CACHD1: variants seen among roughly 807,000 people sequenced by gnomAD.
The protein encoded by CACHD1 is VWFA and cache domain-containing protein 1.
In CACHD1, 71 loss-of-function variants were observed where a neutral mutation model predicts 138.7. The ratio of observed to expected loss-of-function variants is 0.51; its 90% CI spans 0.42 to 0.62. CACHD1 has a LOEUF of 0.62. Among genes scored for constraint, CACHD1 ranks in the 20% least tolerant of loss-of-function variants. CACHD1 has a pLI of 0.00. For missense variants in CACHD1, 1,389 were observed against 1,625.3 expected (o/e 0.85, Z 2.50); for synonymous variants, 578 against 591.5 (o/e 0.98, Z 0.33).
chr1:64,677,051 A>G (rs372283727), intron 22 of CACHD1, 40 bp downstream of exon 22: 9 of 1,427,498 alleles, frequency 6.3e-6, no homozygotes, highest in Non-Finnish European at 8.9e-6. Context: ...TTTCCAGCTA[A>G]TATTTATTAT....
At chr1:64,587,498 A>G (rs1253297054) in intron 3 of CACHD1, among the ~76,000 whole-genome samples, 1 of 152,192 alleles carries the variant, frequency 6.6e-6, no homozygotes, top group African/African-American at 2.4e-5. Flanking sequence ...TTCTCAGACC[A>G]GTCAACTCTT....
chr1:64,632,791 G>A (rs749010230), intron 6 of CACHD1, 48 bp downstream of exon 6: 2 of 1,605,764 alleles, frequency 1.2e-6, no homozygotes, highest in African/African-American at 2.7e-5. Flanking sequence ...CTCCTTGAAT[G>A]CCTTTTTTAA....
chr1:64,667,307 G>T (rs1452940629), intron 16 of CACHD1, among the ~76,000 whole-genome samples: 1 of 152,184 alleles, frequency 6.6e-6, no homozygotes, highest in East Asian at 1.9e-4. Flanking sequence ...GGTGCTCATT[G>T]TGTGTCAAAT....
chr1:64,541,702 C>A (rs1240682400), intron 1 of CACHD1, among the ~76,000 whole-genome samples: 1 of 152,100 alleles, frequency 6.6e-6, no homozygotes, highest in Non-Finnish European at 1.5e-5. Context: ...CGTGCTGGTA[C>A]GCTCCTGTAT....
chr1:64,633,060 A>G (rs1270877799), intron 6 of CACHD1, among the ~76,000 whole-genome samples: 1 of 152,206 alleles, frequency 6.6e-6, no homozygotes, highest in East Asian at 1.9e-4. Flanking sequence ...GCAGAATACT[A>G]TATCAGCGGT....
chr1:64,534,398 A>G (rs1049317743), intron 1 of CACHD1, among the ~76,000 whole-genome samples: 11 of 152,148 alleles, frequency 7.2e-5, no homozygotes, highest in African/African-American at 2.7e-4. Context: ...AAATCTCATT[A>G]GGAGAGAAGA....
intron 1 of CACHD1, among the ~76,000 whole-genome samples, chr1:64,547,132 A>C (rs1018619256): frequency 6.6e-5 from 10 of 152,164 alleles, no homozygotes; most frequent in Non-Finnish European, 1.5e-4. Flanking sequence ...TTAGTCTGTA[A>C]AATGTGGTTT....
intron 2 of CACHD1, among the ~76,000 whole-genome samples, chr1:64,559,779 C>T (rs1443604715): frequency 6.6e-6 from 1 of 152,162 alleles, no homozygotes; most frequent in Non-Finnish European, 1.5e-5. Flanking sequence ...ACCATCTGGA[C>T]CTGATATTTT....
intron 15 of CACHD1, among the ~76,000 whole-genome samples, chr1:64,665,740 G>T (rs1261995603): frequency 1.3e-5 from 2 of 152,108 alleles, no homozygotes; most frequent in African/African-American, 4.8e-5. Context: ...GACTTGGCCG[G>T]GTGCGGTGAC....
At chr1:64,661,563 G>C (rs1327511250) in intron 13 of CACHD1, among the ~76,000 whole-genome samples, 2 of 152,070 alleles carry the variant, frequency 1.3e-5, no homozygotes, top group African/African-American at 4.8e-5. Flanking sequence ...TTATATTATT[G>C]TGTTATTCTT....
chr1:64,534,712 G>C (rs778829682), intron 1 of CACHD1, among the ~76,000 whole-genome samples: 2 of 152,252 alleles, frequency 1.3e-5, no homozygotes, highest in South Asian at 4.1e-4. Context: ...CTGGCCCATA[G>C]CCTGTGCTCA....
chr1:64,663,644 T>A (rs996301035), intron 13 of CACHD1, 51 bp from the exon 14 acceptor site: 2 of 1,602,958 alleles, frequency 1.2e-6, no homozygotes, highest in African/African-American at 2.7e-5. Flanking sequence ...TTGTTTGGGA[T>A]GAGATAGAGT....
intron 1 of CACHD1, among the ~76,000 whole-genome samples, chr1:64,543,697 G>A (rs1344943518): frequency 6.6e-6 from 1 of 151,822 alleles, no homozygotes. Flanking sequence ...TTAATAGTAT[G>A]AGGTTAAATA....
chr1:64,683,853 G>A (rs566824520), intron 26 of CACHD1, among the ~76,000 whole-genome samples: 3 of 152,168 alleles, frequency 2.0e-5, no homozygotes, highest in Non-Finnish European at 4.4e-5. Context: ...TAAAAATGGT[G>A]ACATTGAGTT....
intron 4 of CACHD1, chr1:64,613,531 G>A (rs1354198772): frequency 2.0e-5 from 3 of 152,180 alleles, no homozygotes; most frequent in African/African-American, 4.8e-5. Context: ...ATGGCTACGT[G>A]TTTAAAAGTC....
Position 64,679,733 on chromosome 1 carries a change from A to G in CACHD1, c.3383A>G (p.His1128Arg). ...CAGATTCATCGCCGGAGCCATCAGC[A>G]TATGTCTCCTCTTGCTGCCCAAGGT... ...RHQIHRRSHQHMSPLAAQEMS... is the reference protein window; with the variant it reads ...RHQIHRRSHQRMSPLAAQEMS... Residue 1128 changes from histidine (H) to arginine (R), a missense_variant, in exon 24 of 27, where the codon CAT becomes CGT. Around this residue, in one of 5 missense-constraint regions of CACHD1, gnomAD observed 250 missense variants for 292.9 expected, o/e 0.85. Transcript: ENST00000651257. 1 of 1,614,000 alleles carries G rather than the reference A, an allele frequency of 6.2e-7. No homozygotes were observed. Among genetic ancestry groups the G allele is most frequent in the African/African-American group, 1.3e-5 (1 of 75,048 alleles).
chr1:64,513,991 T>C (rs1046905376), intron 1 of CACHD1, among the ~76,000 whole-genome samples: 12 of 152,242 alleles, frequency 7.9e-5, no homozygotes, highest in African/African-American at 2.9e-4. Context: ...CTGTTCCAGA[T>C]AATCTTTTTA....
chr1:64,658,860 G>C lies in CACHD1; in HGVS notation c.1938G>C (p.Gln646His), dbSNP rs776978424. Residue 646 changes from glutamine to histidine, a missense_variant, in exon 13 of 27, where the codon CAG (glutamine) becomes CAC (histidine). Coordinates refer to ENST00000651257, the MANE Select transcript of CACHD1 (RefSeq NM_020925.4). Reference sequence around the variant, plus strand: ...CCAGTGCTTGCCTCCACTTCAAACAGCTGGCAACCCTAGGTAAAGCCCTTA... The same window carrying C: ...CCAGTGCTTGCCTCCACTTCAAACACCTGGCAACCCTAGGTAAAGCCCTTA... ...GQPSACLHFK[Q>H]LATLESPTIM... 2 of 1,572,022 alleles carry C rather than the reference G, an allele frequency of 1.3e-6. No homozygotes were observed. Among genetic ancestry groups the C allele is most frequent in the Admixed American group, 1.8e-5 (1 of 54,658 alleles).
chr1:64,612,884 G>T (rs974584932), intron 4 of CACHD1, among the ~76,000 whole-genome samples: 4 of 152,162 alleles, frequency 2.6e-5, no homozygotes, highest in African/African-American at 9.7e-5. Context: ...CATTTCATAA[G>T]GCTGTAGCTT....
Sources: allele counts gnomAD v4.1 joint callset (sites outside exome capture counted in the v4.1 genomes callset), GRCh38; gene constraint gnomAD v4.1.1; regional missense constraint gnomAD v4.1.1; transcripts MANE v1.5; gene names NCBI Gene and HGNC (gene_info 2026-07-23, HGNC 2026-07-21).